Variants in GARNL3 observed in about 807,000 individuals in gnomAD.
GARNL3 encodes the protein GTPase activating Rap/RanGAP domain like 3.
GARNL3 carries 63 observed loss-of-function variants against 125.0 expected under a neutral mutation model. The ratio of observed to expected loss-of-function variants is 0.50; its 90% CI spans 0.41 to 0.62. The LOEUF is 0.62. GARNL3 is among the 20% of genes least tolerant of loss of function. GARNL3 has a pLI of 0.00. For synonymous variants in GARNL3, 439 were observed against 457.5 expected (o/e 0.96, Z 0.52); for missense variants, 994 against 1,244.0 (o/e 0.80, Z 3.02).
At chr9:127,294,013 T>A (rs1255223249) in intron 2 of GARNL3, among the ~76,000 whole-genome samples, 1 of 152,138 alleles carries the variant, frequency 6.6e-6, no homozygotes, top group Admixed American at 6.6e-5. Flanking sequence ...TAGTTTTTGG[T>A]GGTGGAGGTG....
intron 1 of GARNL3, among the ~76,000 whole-genome samples, chr9:127,230,621 C>T (rs950362210): frequency 1.3e-5 from 2 of 151,372 alleles, no homozygotes; most frequent in Non-Finnish European, 2.9e-5. Flanking sequence ...CCATTGCACT[C>T]CAGCCTGGGC....
At chr9:127,346,506 CAT>C (rs527999470) in intron 16 of GARNL3, among the ~76,000 whole-genome samples, 33 of 152,306 alleles carry the variant, frequency 2.2e-4, no homozygotes, top group African/African-American at 7.5e-4. Context: ...TGCTTGTTCC[CAT>C]GCACAGTAGG....
chr9:127,274,389 T>C (rs2063900148), intron 1 of GARNL3, among the ~76,000 whole-genome samples: 1 of 152,130 alleles, frequency 6.6e-6, no homozygotes, highest in African/African-American at 2.4e-5. Flanking sequence ...CTTCTCCAAA[T>C]TTTCCCAGAC....
chr9:127,231,011 T>TATATATGTATATATACAC, intron 1 of GARNL3, among the ~76,000 whole-genome samples: 1 of 120,616 alleles, frequency 8.3e-6, no homozygotes, highest in East Asian at 2.2e-4. Flanking sequence ...CACATATGTG[T>TATATATGTATATATACAC]ATATATACAT....
At chr9:127,300,519 A>G (rs960961404) in intron 2 of GARNL3, 1 of 354,854 alleles carries the variant, frequency 2.8e-6, no homozygotes, top group Non-Finnish European at 5.4e-6. Context: ...CAGTGGTGGG[A>G]TCTTGGCTCA....
chr9:127,345,628 G>T, intron 16 of GARNL3, 151 bp downstream of exon 16: 1 of 530,034 alleles, frequency 1.9e-6, no homozygotes, highest in East Asian at 3.3e-5. Context: ...AAACTGAGTG[G>T]CCATTTAGTG....
intron 22 of GARNL3, among the ~76,000 whole-genome samples, chr9:127,376,470 G>A (rs959520069): frequency 6.6e-5 from 10 of 152,104 alleles, no homozygotes; most frequent in South Asian, 2.1e-4. Context: ...CGCCCGCCTC[G>A]GCCTCCCAGA....
chr9:127,260,036 G>C (rs1394960882), upstream of GARNL3, among the ~76,000 whole-genome samples: 1 of 152,144 alleles, frequency 6.6e-6, no homozygotes, highest in Non-Finnish European at 1.5e-5. Context: ...TTAGAACCTT[G>C]TCTGCTTTTT....
intron 21 of GARNL3, among the ~76,000 whole-genome samples, chr9:127,357,773 A>G (rs1830766097): frequency 9.0e-6 from 1 of 111,596 alleles, no homozygotes; most frequent in Non-Finnish European, 2.0e-5. Context: ...CCCTGTCTGT[A>G]TTTAAAATTA....
rs547628698 is a variant in GARNL3, at chr9:127,338,125, C to G, written c.992C>G (p.Ala331Gly). The G allele has an allele frequency of 6.2e-7, 1 of 1,610,722 alleles. No homozygotes were observed. The highest frequency in any genetic ancestry group is 8.5e-7 in the Non-Finnish European group (1 of 1,176,920). Residue 331 changes from alanine to glycine, a missense_variant, in exon 12 of 28, where the codon GCC becomes GGC. Coordinates refer to ENST00000373387, the MANE Select transcript of GARNL3 (RefSeq NM_032293.5). ...MIRSHFTHIF[A>G]LVRYNQQNDN... is the part of the protein sequence containing the mutation. ...TTAACCATCACCACAGATATTTTTG[C>G]CTTAGTGAGATACAATCAACAAAAT...
At chr9:127,255,550 G>T (rs1352670132) in intron 2 of GARNL3, among the ~76,000 whole-genome samples, 1 of 152,148 alleles carries the variant, frequency 6.6e-6, no homozygotes, top group African/African-American at 2.4e-5. Flanking sequence ...TGGGGTCAGG[G>T]AGAGGTACAC....
chr9:127,230,955 G>A (rs1226035847), intron 1 of GARNL3, among the ~76,000 whole-genome samples: 1 of 130,430 alleles, frequency 7.7e-6, no homozygotes, highest in Non-Finnish European at 1.5e-5. Flanking sequence ...ACAGGCAAAC[G>A]ATATATATGT....
chr9:127,317,451 G>A (rs1448303439), intron 4 of GARNL3, among the ~76,000 whole-genome samples: 6 of 152,100 alleles, frequency 3.9e-5, no homozygotes, highest in South Asian at 2.1e-4. Context: ...CCAGCCGGGC[G>A]TGGTGGCTCA....
chr9:127,231,364 G>A (rs1015813674), intron 1 of GARNL3, among the ~76,000 whole-genome samples: 3 of 151,292 alleles, frequency 2.0e-5, no homozygotes, highest in Admixed American at 6.6e-5. Context: ...GAGCCACTGC[G>A]CCCGGCCAGG....
chr9:127,356,572 A>C (rs1409913657), intron 20 of GARNL3: 1 of 152,234 alleles, frequency 6.6e-6, no homozygotes. Context: ...GTTCAACTTC[A>C]GGGGACAGAG....
At chr9:127,236,973 C>T (rs1189094882) in intron 1 of GARNL3, among the ~76,000 whole-genome samples, 1 of 152,150 alleles carries the variant, frequency 6.6e-6, no homozygotes, top group Non-Finnish European at 1.5e-5. Flanking sequence ...ATCTGACAGA[C>T]ACTAAAAAAG....
In GARNL3 at chr9:127,383,555, G is replaced by C; in HGVS notation, c.2269+10G>C. On this transcript the variant is annotated intron_variant, in intron 23 of 27. Transcript: ENST00000373387. Reference sequence around the variant, plus strand: ...GCTCCCTATGCAATTGGTAAGAAAAGTCTTTATCATAATGCTTTTCTCCTT... The same window carrying C: ...GCTCCCTATGCAATTGGTAAGAAAACTCTTTATCATAATGCTTTTCTCCTT... 1 of 1,562,386 alleles carries C rather than the reference G, an allele frequency of 6.4e-7. No homozygotes were observed. Among genetic ancestry groups the C allele is most frequent in the South Asian group, 1.1e-5 (1 of 88,056 alleles).
intron 1 of GARNL3, among the ~76,000 whole-genome samples, chr9:127,290,177 GCATT>G (rs1470987319): frequency 6.6e-6 from 1 of 152,160 alleles, no homozygotes; most frequent in African/African-American, 2.4e-5. Flanking sequence ...AGAATGCATG[GCATT>G]CAACAAATAC....
chr9:127,251,352 C>T (rs1433404994), intron 2 of GARNL3, among the ~76,000 whole-genome samples: 1 of 152,004 alleles, frequency 6.6e-6, no homozygotes, highest in African/African-American at 2.4e-5. Context: ...AGAACATCCC[C>T]CCTTCCCTCA....
Sources: allele counts gnomAD v4.1 joint callset (sites outside exome capture counted in the v4.1 genomes callset), GRCh38; gene constraint gnomAD v4.1.1; transcripts MANE v1.5; gene names NCBI Gene and HGNC (gene_info 2026-07-23, HGNC 2026-07-21).